Variants in TSPAN5 observed in about 807,000 individuals in gnomAD.
TSPAN5 encodes the protein tetraspanin-5.
Under a neutral mutation model 37.1 loss-of-function variants are expected in TSPAN5, and 10 were observed. The observed-to-expected ratio is 0.27, with a 90% CI of 0.17 to 0.46. TSPAN5 has a LOEUF of 0.46. Among genes scored for constraint, TSPAN5 ranks in the 20% least tolerant of loss-of-function variants. The probability of loss-of-function intolerance (pLI) is 1.00; values close to 1 mark genes in which losing one functional copy is unlikely to be tolerated. For synonymous variants in TSPAN5, 110 were observed against 118.9 expected (o/e 0.93, Z 0.48); for missense variants, 195 against 326.6 (o/e 0.60, Z 3.11).
chr4:98,631,473 G>T (rs577525363), intron 1 of TSPAN5, among the ~76,000 whole-genome samples: 2 of 152,110 alleles, frequency 1.3e-5, no homozygotes, highest in South Asian at 4.2e-4. Flanking sequence ...CATAGCACTC[G>T]ATCTTTTTTT....
chr4:98,565,202 C>T (rs1290151280), intron 1 of TSPAN5, among the ~76,000 whole-genome samples: 3 of 152,072 alleles, frequency 2.0e-5, no homozygotes, highest in South Asian at 2.1e-4. Flanking sequence ...TTCCTTTTGA[C>T]GGTTGGTGTT....
intron 1 of TSPAN5, among the ~76,000 whole-genome samples, chr4:98,651,918 G>C (rs986584074): frequency 7.0e-6 from 1 of 142,392 alleles, no homozygotes; most frequent in Non-Finnish European, 1.5e-5. Flanking sequence ...TGTCACCCTG[G>C]AGTGCAGTTG....
chr4:98,548,626 T>C (rs762832515), intron 1 of TSPAN5, among the ~76,000 whole-genome samples: 3 of 152,140 alleles, frequency 2.0e-5, no homozygotes, highest in African/African-American at 4.8e-5. Flanking sequence ...ATCACCTAAA[T>C]AGTAAACTTT....
At chr4:98,642,081 C>A (rs528935124) in intron 1 of TSPAN5, among the ~76,000 whole-genome samples, 2 of 152,146 alleles carry the variant, frequency 1.3e-5, no homozygotes, top group Non-Finnish European at 2.9e-5. Flanking sequence ...TACTTGAGTG[C>A]TAAAAAGATT....
At chr4:98,584,312 A>T (rs551195649) in intron 1 of TSPAN5, among the ~76,000 whole-genome samples, 1 of 152,236 alleles carries the variant, frequency 6.6e-6, no homozygotes, top group Middle Eastern at 3.2e-3. Flanking sequence ...AATCATTCCC[A>T]TTATATGCAA....
At chr4:98,546,812 C>T (rs1754482074) in intron 1 of TSPAN5, among the ~76,000 whole-genome samples, 1 of 152,182 alleles carries the variant, frequency 6.6e-6, no homozygotes, top group Non-Finnish European at 1.5e-5. Flanking sequence ...ATCTGATTCC[C>T]TAAGAGGGCT....
chr4:98,520,253 A>G (rs1007475853), intron 1 of TSPAN5, among the ~76,000 whole-genome samples: 1 of 152,240 alleles, frequency 6.6e-6, no homozygotes, highest in Non-Finnish European at 1.5e-5. Flanking sequence ...GGCCAGCTCT[A>G]CTAAGCAAAG....
chr4:98,605,392 G>A (rs1364270627), intron 1 of TSPAN5, among the ~76,000 whole-genome samples: 1 of 152,144 alleles, frequency 6.6e-6, no homozygotes, highest in Non-Finnish European at 1.5e-5. Context: ...TGCCAGAACT[G>A]TTTGGTGGAC....
intron 1 of TSPAN5, among the ~76,000 whole-genome samples, chr4:98,636,656 C>T (rs1040928178): frequency 2.9e-4 from 44 of 152,064 alleles, no homozygotes; most frequent in African/African-American, 1.1e-3. Context: ...ACACCTTGTA[C>T]ATAAAATTAA....
At chr4:98,586,945 C>T (rs1433839171) in intron 1 of TSPAN5, among the ~76,000 whole-genome samples, 1 of 152,134 alleles carries the variant, frequency 6.6e-6, no homozygotes, top group South Asian at 2.1e-4. Context: ...AAAAGGGGAG[C>T]CAAAGTGGTC....
At chr4:98,562,287 A>G (rs1754897188) in intron 1 of TSPAN5, among the ~76,000 whole-genome samples, 1 of 152,236 alleles carries the variant, frequency 6.6e-6, no homozygotes, top group African/African-American at 2.4e-5. Context: ...AAAAGCAGGT[A>G]GTAGATGACT....
intron 1 of TSPAN5, among the ~76,000 whole-genome samples, chr4:98,625,471 A>C (rs761488191): frequency 2.6e-5 from 4 of 152,230 alleles, no homozygotes; most frequent in Non-Finnish European, 4.4e-5. Context: ...TGTTCAACTC[A>C]AGATTACCCA....
At chr4:98,533,845 C>T (rs1383804207) in intron 1 of TSPAN5, among the ~76,000 whole-genome samples, 8 of 147,606 alleles carry the variant, frequency 5.4e-5, no homozygotes, top group South Asian at 2.2e-4. Context: ...CCACAGCACC[C>T]GGCCCCCTAT....
chr4:98,576,608 T>G (rs1161710779), intron 1 of TSPAN5, among the ~76,000 whole-genome samples: 1 of 152,020 alleles, frequency 6.6e-6, no homozygotes, highest in African/African-American at 2.4e-5. Flanking sequence ...CCCAGCTACT[T>G]GGAAAACTGA....
At chr4:98,538,887 C>A (rs1754297162) in intron 1 of TSPAN5, among the ~76,000 whole-genome samples, 1 of 152,160 alleles carries the variant, frequency 6.6e-6, no homozygotes. Context: ...TTCTGCATTA[C>A]CTTTATTCAT....
chr4:98,622,394 T>C (rs1260118427), intron 1 of TSPAN5, among the ~76,000 whole-genome samples: 1 of 152,214 alleles, frequency 6.6e-6, no homozygotes, highest in Non-Finnish European at 1.5e-5. Flanking sequence ...CACATTTTAT[T>C]TGAACACCTG....
At chr4:98,525,107 T>C (rs1382776246) in intron 1 of TSPAN5, among the ~76,000 whole-genome samples, 1 of 152,166 alleles carries the variant, frequency 6.6e-6, no homozygotes, top group Non-Finnish European at 1.5e-5. Context: ...ATTAAATCAG[T>C]TCCTTTAAAT....
At chr4:98,646,824 A>G (rs1300815081) in intron 1 of TSPAN5, among the ~76,000 whole-genome samples, 1 of 152,124 alleles carries the variant, frequency 6.6e-6, no homozygotes, top group East Asian at 2.0e-4. Context: ...ATCAAAATAA[A>G]TTATGAGGAA....
intron 1 of TSPAN5, among the ~76,000 whole-genome samples, chr4:98,643,610 C>T (rs150752856): frequency 3.9e-5 from 6 of 152,160 alleles, no homozygotes; most frequent in East Asian, 3.9e-4. Context: ...AGTAAAACAC[C>T]GTTTTCAAAT....
Sources: allele counts gnomAD v4.1 joint callset (sites outside exome capture counted in the v4.1 genomes callset), GRCh38; gene constraint gnomAD v4.1.1; transcripts MANE v1.5; gene names NCBI Gene and HGNC (gene_info 2026-07-23, HGNC 2026-07-21).